Variants in TAPT1 observed in about 807,000 individuals in gnomAD.
The protein encoded by TAPT1 is transmembrane anterior posterior transformation protein 1 homolog.
A neutral mutation model predicts 65.6 loss-of-function variants in TAPT1; 28 were observed. The observed-to-expected ratio is 0.43, with a 90% CI of 0.32 to 0.59. The LOEUF (loss-of-function observed/expected upper bound fraction) is 0.59, where lower values mean the gene tolerates loss of function less well. Among genes scored for constraint, TAPT1 ranks in the 20% least tolerant of loss-of-function variants. TAPT1 has a pLI of 0.09. For missense variants in TAPT1, 563 were observed against 679.9 expected, an observed-to-expected ratio of 0.83 and a Z score of 1.91; for synonymous variants, 278 against 245.2, an observed-to-expected ratio of 1.13 and a Z score of -1.25.
chr4:16,191,344 G>C lies in TAPT1; in HGVS notation c.612+17C>G. 6.3e-7 allele frequency: 1 copy of C among 1,589,868 alleles called. No individual in the cohort carries two copies. The highest frequency in any genetic ancestry group is 8.6e-7 in the Non-Finnish European group (1 of 1,167,794). On this transcript the variant is annotated intron_variant, in intron 4 of 13. Coordinates refer to ENST00000405303, the MANE Select transcript of TAPT1 (RefSeq NM_153365.3). ...AGTGCCCTGGCCAGGCCTGTGCGGGGTAAGCAAGGCCCTTACCTCCAGCAT... is the reference window on the plus strand; with the variant it reads ...AGTGCCCTGGCCAGGCCTGTGCGGGCTAAGCAAGGCCCTTACCTCCAGCAT...
intron 12 of TAPT1, among the ~76,000 whole-genome samples, chr4:16,167,053 G>A (rs1300283674): frequency 7.0e-6 from 1 of 142,730 alleles, no homozygotes; most frequent in Non-Finnish European, 1.5e-5. Flanking sequence ...GGAGTGCAGT[G>A]GCACAATCTT....
chr4:16,174,379 G>C (rs556695528), intron 10 of TAPT1, 107 bp from the exon 11 acceptor site: 1 of 971,888 alleles, frequency 1.0e-6, no homozygotes, highest in East Asian at 2.7e-5. Context: ...TGAGGCTATG[G>C]AGCAAGAACA....
Position 16,174,700 on chromosome 4 carries a change from A to G in TAPT1, c.1137T>C (p.Ala379=). Residue 379 remains alanine, a synonymous_variant, in exon 10 of 14, where the codon GCT becomes GCC. Coordinates refer to ENST00000405303, the MANE Select transcript of TAPT1 (RefSeq NM_153365.3). Reference sequence around the variant, plus strand: ...TCTGTCGGCTGCTAACAAGGTCAAAAGCAAGACTGGCTCTATATTCACTGT... The same window carrying G: ...TCTGTCGGCTGCTAACAAGGTCAAAGGCAAGACTGGCTCTATATTCACTGT... The part of the protein sequence containing the change: ...DVYSEYRASL[A]FDLVSSRQKN... 1 of 1,594,324 alleles carries G rather than the reference A, an allele frequency of 6.3e-7. No homozygotes were observed. Among genetic ancestry groups the G allele is most frequent in the Non-Finnish European group, 8.5e-7 (1 of 1,169,750 alleles).
chr4:16,196,732 CGAGA>C, intron 3 of TAPT1: 1 of 1,279,540 alleles, frequency 7.8e-7, no homozygotes. Flanking sequence ...GTCTGATTTA[CGAGA>C]GAGAAAGAAA....
chr4:16,204,152 G>T (rs1750201074), intron 2 of TAPT1, among the ~76,000 whole-genome samples: 1 of 152,204 alleles, frequency 6.6e-6, no homozygotes. Context: ...TGGACTGCTG[G>T]TTCAGTACTG....
chr4:16,191,658 C>T lies in TAPT1; in HGVS notation c.450-135G>A, dbSNP rs112882871. On this transcript the variant is annotated intron_variant, in intron 3 of 13. Coordinates refer to ENST00000405303, the MANE Select transcript of TAPT1 (RefSeq NM_153365.3). ...ATGTTGATCTTTTAAAAACTTCAAACAAGGGAGGTTAAACTAAATGACTAC... is the reference window on the plus strand; with the variant it reads ...ATGTTGATCTTTTAAAAACTTCAAATAAGGGAGGTTAAACTAAATGACTAC... 5.8e-3 allele frequency: 5,682 copies of T among 983,490 alleles called. 38 individuals carry two copies. Among genetic ancestry groups the T allele is most frequent in the Middle Eastern group, 0.029 (87 of 2,976 alleles). 60.9% of individuals were successfully genotyped at this position (983,490 alleles called of 1,614,324 possible).
rs193137931 is a variant in TAPT1, at chr4:16,187,987, C to T, written c.748+233G>A. Among the ~76,000 whole-genome samples the T allele has an allele frequency of 3.3e-5, 5 of 152,262 alleles. No homozygotes were observed. In the East Asian group the frequency reaches 9.6e-4, roughly 29 times the overall value. ...TAAAAGTCTTCCTTATAATCAGTTA[C>T]ACTGCAAACAGAACTGTTTTCCAGC... On this transcript the variant is annotated intron_variant, in intron 5 of 13. Coordinates refer to ENST00000405303, the MANE Select transcript of TAPT1 (RefSeq NM_153365.3).
At chr4:16,219,182 G>A (rs1189660392) in intron 1 of TAPT1, among the ~76,000 whole-genome samples, 1 of 152,192 alleles carries the variant, frequency 6.6e-6, no homozygotes, top group Non-Finnish European at 1.5e-5. Flanking sequence ...GAAGCAAGCA[G>A]AAAAGCCAGA....
chr4:16,194,897 A>C (rs1051683900), intron 3 of TAPT1, among the ~76,000 whole-genome samples: 29 of 136,252 alleles, frequency 2.1e-4, no homozygotes, highest in Admixed American at 1.1e-3. Context: ...TCTTCTTCTT[A>C]TTTTTTGTAT....
At chr4:16,210,928 T>G (rs1750613327) in intron 2 of TAPT1, among the ~76,000 whole-genome samples, 1 of 152,070 alleles carries the variant, frequency 6.6e-6, no homozygotes, top group Non-Finnish European at 1.5e-5. Flanking sequence ...AGTTTAAGAG[T>G]GAAAATAATG....
chr4:16,173,702 T>G (rs1748150914), intron 11 of TAPT1, among the ~76,000 whole-genome samples: 1 of 152,256 alleles, frequency 6.6e-6, no homozygotes, highest in African/African-American at 2.4e-5. Context: ...GTTTCTAACT[T>G]TTTATTATTA....
rs28481627 is a variant in TAPT1 at position 16,186,258 on chromosome 4, A to G, written c.916+277T>C. Among the ~76,000 whole-genome samples the G allele has an allele frequency of 0.093, 14,188 of 152,174 alleles. 2,071 individuals carry two copies. The highest frequency in any genetic ancestry group is 0.31 in the African/African-American group (12,995 of 41,414). On this transcript the variant is annotated intron_variant, in intron 7 of 13. Coordinates refer to ENST00000405303, the MANE Select transcript of TAPT1 (RefSeq NM_153365.3). ...GTGTTTCAGTTTTCACATCTATAAA[A>G]TGGAAAAATACCACCCACTTCAGAG...
rs765120849 is a variant in TAPT1, at chr4:16,160,960, T to TG, written c.*2347dup. On this transcript the variant is annotated 3_prime_UTR_variant, in exon 14 of 14. Coordinates refer to ENST00000405303, the MANE Select transcript of TAPT1 (RefSeq NM_153365.3). ...TCTAAAGGAAAACCTAATAAGGGTC[T>TG]GGCCTATCCTGTGCCTTCATTAGAT... 1.0e-4 allele frequency: 16 copies of TG among 152,790 alleles called. No homozygotes were observed. Among genetic ancestry groups the TG allele is most frequent in the Admixed American group, 8.5e-4 (13 of 15,308 alleles). The allele number at this position is 152,790 out of a possible 1,614,324, so 9.5% of individuals were successfully genotyped here.
intron 2 of TAPT1, among the ~76,000 whole-genome samples, chr4:16,208,809 C>T (rs1229537012): frequency 3.3e-5 from 5 of 152,212 alleles, no homozygotes; most frequent in African/African-American, 1.2e-4. Context: ...TAATAGTCTC[C>T]TTCCATAGAC....
chr4:16,188,446 G>A, intron 4 of TAPT1, 91 bp from the exon 5 acceptor site: 2 of 1,094,646 alleles, frequency 1.8e-6, no homozygotes, highest in East Asian at 2.7e-5. Flanking sequence ...CTGGAGATCT[G>A]TGTTTTAAAT....
chr4:16,217,605 T>C (rs1179698900), intron 1 of TAPT1, among the ~76,000 whole-genome samples: 4 of 152,218 alleles, frequency 2.6e-5, no homozygotes, highest in African/African-American at 9.7e-5. Flanking sequence ...ATTTCTCTAT[T>C]GAAAGATGAT....
At chr4:16,213,404 T>A (rs1168866092) in intron 2 of TAPT1, among the ~76,000 whole-genome samples, 1 of 152,130 alleles carries the variant, frequency 6.6e-6, no homozygotes, top group Non-Finnish European at 1.5e-5. Context: ...AGGCTGAAAT[T>A]AAATAATTTA....
rs1749351120 is a variant in TAPT1 at position 16,191,193 on chromosome 4, T to C, written c.612+168A>G. ...CCAGACCCAGCCTAGATCTCCTAAA[T>C]CAGAATCCATGTTTAAGAAGAGCCC... is the stretch of plus-strand genomic sequence containing the variant. On this transcript the variant is annotated intron_variant, in intron 4 of 13. Transcript: ENST00000405303. 3 of 650,584 alleles carry C rather than the reference T, an allele frequency of 4.6e-6. No homozygotes were observed. The East Asian group carries it at 8.6e-5, about 19-fold the overall frequency. 40.3% of individuals were successfully genotyped at this position (650,584 alleles called of 1,614,324 possible).
chr4:16,226,988 C>G (rs1305326052), upstream of TAPT1: 1 of 450,442 alleles, frequency 2.2e-6, no homozygotes, highest in Admixed American at 2.4e-5. Context: ...GCACTGCTGG[C>G]GCGGCCGCGG....
Sources: allele counts gnomAD v4.1 joint callset (sites outside exome capture counted in the v4.1 genomes callset), GRCh38; gene constraint gnomAD v4.1.1; transcripts MANE v1.5; gene names NCBI Gene and HGNC (gene_info 2026-07-23, HGNC 2026-07-21).